Variants in ARHGAP42 observed in about 807,000 individuals in gnomAD.
The protein encoded by ARHGAP42 is Rho GTPase activating protein 42, also known as rho GTPase-activating protein 42.
Under a neutral mutation model 125.0 loss-of-function variants are expected in ARHGAP42, and 63 were observed. The ratio of observed to expected loss-of-function variants is 0.50; its 90% CI spans 0.41 to 0.62. The LOEUF (loss-of-function observed/expected upper bound fraction) is 0.62. Ranked by LOEUF, ARHGAP42 falls within the 20% of genes least tolerant of loss-of-function variation. The pLI is 0.00. For synonymous variants in ARHGAP42, 339 were observed against 351.0 expected (o/e 0.97, Z 0.38); for missense variants, 766 against 1,024.2 (o/e 0.75, Z 3.44).
At position 100,979,050 on chromosome 11, in the gene ARHGAP42, G is replaced by GT; in HGVS notation, c.2456+2dup. 6.4e-7 allele frequency: 1 copy of GT among 1,551,488 alleles called. No homozygotes were observed. Among genetic ancestry groups the GT allele is most frequent in the Non-Finnish European group, 8.7e-7 (1 of 1,146,796 alleles). ...CACCTAAACCAGTTTCTTCTGGGCGGTAAGTTCTCCAAACCCTTAAATGCA... is the reference window on the plus strand; with the variant it reads ...CACCTAAACCAGTTTCTTCTGGGCGGTTAAGTTCTCCAAACCCTTAAATGCA... On this transcript the variant is annotated splice_donor_variant, in intron 22 of 23. Coordinates refer to ENST00000298815, the MANE Select transcript of ARHGAP42 (RefSeq NM_152432.4). LOFTEE classifies it high-confidence loss of function.
intron 3 of ARHGAP42, among the ~76,000 whole-genome samples, chr11:100,855,862 A>G (rs1047201830): frequency 1.3e-5 from 2 of 152,130 alleles, no homozygotes; most frequent in Admixed American, 6.6e-5. Flanking sequence ...ATGTAAACCA[A>G]TATCTATAAA....
At chr11:100,764,005 CTCT>C (rs199753600) in intron 1 of ARHGAP42, among the ~76,000 whole-genome samples, 31,786 of 140,250 alleles carry the variant, frequency 0.23, 3,513 homozygotes, top group Non-Finnish European at 0.27. Flanking sequence ...CCTCCTCCCC[CTCT>C]TCTTCTTCTT....
At chr11:100,866,682 A>G (rs537644079) in intron 4 of ARHGAP42, among the ~76,000 whole-genome samples, 1 of 152,224 alleles carries the variant, frequency 6.6e-6, no homozygotes, top group African/African-American at 2.4e-5. Context: ...ACTTTCAAAC[A>G]ACCAGATCCC....
rs115553580 is a variant in ARHGAP42, at chr11:100,780,146, G to A, written c.250+9708G>A. Among the ~76,000 whole-genome samples the A allele has an allele frequency of 3.4e-3, 520 of 151,934 alleles. 2 individuals are homozygous for A. Among genetic ancestry groups the A allele is most frequent in the Middle Eastern group, 0.027 (8 of 294 alleles). On this transcript the variant is annotated intron_variant, in intron 2 of 23. Coordinates refer to ENST00000298815, the MANE Select transcript of ARHGAP42 (RefSeq NM_152432.4). ...TCAATATTTATTGACTACCTGTTAT[G>A]TGACAAGAACTGTGCTTGTGAAAAA...
At chr11:100,836,083 GAAAT>G (rs1864781011) in intron 3 of ARHGAP42, among the ~76,000 whole-genome samples, 1 of 152,032 alleles carries the variant, frequency 6.6e-6, no homozygotes, top group African/African-American at 2.4e-5. Flanking sequence ...TAGAGCTTTG[GAAAT>G]GACTCATGAG....
intron 4 of ARHGAP42, among the ~76,000 whole-genome samples, chr11:100,870,275 T>G (rs1463277699): frequency 6.6e-6 from 1 of 152,188 alleles, no homozygotes; most frequent in East Asian, 1.9e-4. Flanking sequence ...GGGCCAATAG[T>G]GAGGAGTTAA....
intron 9 of ARHGAP42, 66 bp from the exon 10 acceptor site, chr11:100,943,693 C>T: frequency 1.8e-6 from 2 of 1,117,370 alleles, no homozygotes; most frequent in South Asian, 3.0e-5. Flanking sequence ...AACTTGAGCT[C>T]ACATATTTAA....
chr11:100,840,224 C>A (rs938795286), intron 3 of ARHGAP42, among the ~76,000 whole-genome samples: 1 of 152,140 alleles, frequency 6.6e-6, no homozygotes, highest in African/African-American at 2.4e-5. Flanking sequence ...TACAAAGTAA[C>A]GTCACAAAGC....
chr11:100,979,651 C>T (rs1341071422), intron 22 of ARHGAP42, among the ~76,000 whole-genome samples: 2 of 150,916 alleles, frequency 1.3e-5, no homozygotes, highest in Admixed American at 6.6e-5. Flanking sequence ...CAGTGGGCTT[C>T]GGTTTTTAAT....
chr11:100,959,971 A>T (rs1397520101), intron 13 of ARHGAP42, 26 bp downstream of exon 13: 1 of 1,534,108 alleles, frequency 6.5e-7, no homozygotes, highest in Non-Finnish European at 8.8e-7. Context: ...TTGGTACAGC[A>T]TCCCTGTCAT....
intron 3 of ARHGAP42, among the ~76,000 whole-genome samples, chr11:100,833,027 C>T (rs10895020): frequency 0.28 from 42,902 of 152,108 alleles, 6,446 homozygotes; most frequent in Non-Finnish European, 0.33. Flanking sequence ...ATACAGGCTT[C>T]TGACAGAAGT....
intron 1 of ARHGAP42, among the ~76,000 whole-genome samples, chr11:100,713,627 G>A (rs939841347): frequency 8.5e-5 from 13 of 152,116 alleles, no homozygotes; most frequent in East Asian, 3.9e-4. Flanking sequence ...ATAAATGACC[G>A]AGTAAAAAAA....
At chr11:100,907,228 T>C (rs1350349574) in intron 4 of ARHGAP42, among the ~76,000 whole-genome samples, 1 of 152,254 alleles carries the variant, frequency 6.6e-6, no homozygotes, top group African/African-American at 2.4e-5. Flanking sequence ...TCTCCAATAA[T>C]GAATGAGTTT....
intron 17 of ARHGAP42, among the ~76,000 whole-genome samples, chr11:100,967,348 T>C (rs1858121534): frequency 6.6e-6 from 1 of 152,204 alleles, no homozygotes; most frequent in Non-Finnish European, 1.5e-5. Flanking sequence ...GTTATTAAAT[T>C]ACAAAAAATA....
intron 4 of ARHGAP42, among the ~76,000 whole-genome samples, chr11:100,894,087 T>C (rs1461496457): frequency 2.0e-5 from 3 of 152,210 alleles, no homozygotes; most frequent in African/African-American, 7.2e-5. Flanking sequence ...TTTTGAATTT[T>C]AGACAGGTTG....
At position 100,993,259 on chromosome 11, in the gene ARHGAP42, G is replaced by A. The variant is rs1332848641; in HGVS notation, c.*4458G>A. 6.0e-6 allele frequency: 1 copy of A among 166,932 alleles called. No homozygotes were observed. Among genetic ancestry groups the A allele is most frequent in the Non-Finnish European group, 1.5e-5 (1 of 68,224 alleles). 10.3% of individuals were successfully genotyped at this position (166,932 alleles called of 1,614,324 possible). On this transcript the variant is annotated 3_prime_UTR_variant, in exon 24 of 24. Transcript: ENST00000298815. Reference sequence around the variant, plus strand: ...TTACTCAGTCTTATAAATTAAAAATGTGCATTTTATATAAAGATGCATTTT... The same window carrying A: ...TTACTCAGTCTTATAAATTAAAAATATGCATTTTATATAAAGATGCATTTT...
intron 3 of ARHGAP42, among the ~76,000 whole-genome samples, chr11:100,827,964 G>A (rs1864564322): frequency 6.6e-6 from 1 of 152,144 alleles, no homozygotes; most frequent in Non-Finnish European, 1.5e-5. Context: ...AGATTTAGAG[G>A]CTTTTTATTT....
At chr11:100,765,031 T>A (rs1049418869) in intron 1 of ARHGAP42, among the ~76,000 whole-genome samples, 3 of 152,134 alleles carry the variant, frequency 2.0e-5, no homozygotes, top group African/African-American at 7.2e-5. Flanking sequence ...AAAGGCCTTT[T>A]TTTTGGCAAC....
At chr11:100,714,647 A>G (rs750335416) in intron 1 of ARHGAP42, among the ~76,000 whole-genome samples, 2 of 152,194 alleles carry the variant, frequency 1.3e-5, no homozygotes, top group Non-Finnish European at 2.9e-5. Flanking sequence ...CAGTTAGCGT[A>G]GAGATATCTG....
Sources: allele counts gnomAD v4.1 joint callset (sites outside exome capture counted in the v4.1 genomes callset), GRCh38; gene constraint gnomAD v4.1.1; transcripts MANE v1.5; gene names NCBI Gene and HGNC (gene_info 2026-07-23, HGNC 2026-07-21).